The following TSHZ3 variants were observed in gnomAD, a reference collection of about 807,000 sequenced individuals.
TSHZ3 encodes teashirt zinc finger homeobox 3, also known as teashirt homolog 3.
Under a neutral mutation model 64.5 loss-of-function variants are expected in TSHZ3, and 10 were observed. The observed-to-expected ratio is 0.16, with a 90% CI of 0.10 to 0.26. The LOEUF (loss-of-function observed/expected upper bound fraction) is 0.26. Among genes scored for constraint, TSHZ3 ranks in the 10% least tolerant of loss-of-function variants. TSHZ3 has a pLI of 1.00. For missense variants in TSHZ3, 1,242 were observed against 1,421.7 expected, an observed-to-expected ratio of 0.87 and a Z score of 2.03; for synonymous variants, 608 against 593.1, an observed-to-expected ratio of 1.03 and a Z score of -0.36.
chr19:31,168,368 G>A (rs1974486412), intron 5 of TSHZ3, among the ~76,000 whole-genome samples: 1 of 152,114 alleles, frequency 6.6e-6, no homozygotes, highest in Non-Finnish European at 1.5e-5. Flanking sequence ...TGCATTATCT[G>A]TCATTTTCAT....
intron 4 of TSHZ3, chr19:31,207,394 G>A (rs1392239961): frequency 2.6e-5 from 4 of 151,992 alleles, no homozygotes; most frequent in African/African-American, 9.7e-5. Context: ...AAAATACACA[G>A]GTTTTTTATC....
intron 3 of TSHZ3, among the ~76,000 whole-genome samples, chr19:31,240,320 T>C (rs1011198779): frequency 2.0e-5 from 3 of 152,148 alleles, no homozygotes; most frequent in African/African-American, 4.8e-5. Context: ...GTTAAAAATA[T>C]GTATTTTGAC....
At chr19:31,182,259 G>A (rs551044824) in intron 5 of TSHZ3, among the ~76,000 whole-genome samples, 62 of 152,276 alleles carry the variant, frequency 4.1e-4, no homozygotes, top group African/African-American at 1.2e-3. Flanking sequence ...TTTCTGTACC[G>A]ATGCTGTGAA....
intron 1 of TSHZ3, among the ~76,000 whole-genome samples, chr19:31,323,629 A>AGCTGTG: frequency 1.3e-5 from 2 of 152,114 alleles, no homozygotes; most frequent in African/African-American, 4.8e-5. Context: ...TGGTTTACGA[A>AGCTGTG]TACCCAGATG....
intron 1 of TSHZ3, among the ~76,000 whole-genome samples, chr19:31,302,206 G>C (rs1160013811): frequency 6.6e-6 from 1 of 152,174 alleles, no homozygotes; most frequent in Non-Finnish European, 1.5e-5. Flanking sequence ...TGACCCCTCA[G>C]TGCATGAGCT....
chr19:31,304,041 C>G (rs543071578), intron 1 of TSHZ3, among the ~76,000 whole-genome samples: 1 of 151,388 alleles, frequency 6.6e-6, no homozygotes, highest in South Asian at 2.1e-4. Flanking sequence ...ATAGTGCCAT[C>G]TTGGCTCACT....
intron 1 of TSHZ3, among the ~76,000 whole-genome samples, chr19:31,327,488 T>C (rs1398123401): frequency 2.0e-5 from 3 of 152,246 alleles, no homozygotes; most frequent in African/African-American, 7.2e-5. Flanking sequence ...AAAATGCACT[T>C]TGTTAGCATT....
At chr19:31,308,525 GGGCTCCATTTCTAGGAGACT>G in intron 1 of TSHZ3, 1 of 395,544 alleles carries the variant, frequency 2.5e-6, no homozygotes, top group Non-Finnish European at 4.5e-6. Flanking sequence ...CCACCACTAA[GGGCTCCATTTCTAGGAGACT>G]GGCTCTCGAT....
At chr19:31,223,305 T>C (rs7255807) in intron 4 of TSHZ3, among the ~76,000 whole-genome samples, 16 of 152,202 alleles carry the variant, frequency 1.1e-4, no homozygotes, top group African/African-American at 3.9e-4. Flanking sequence ...TGGGGCCTCA[T>C]GTGTATACCT....
chr19:31,177,389 G>C (rs535845351), intron 5 of TSHZ3, among the ~76,000 whole-genome samples: 3 of 152,186 alleles, frequency 2.0e-5, no homozygotes, highest in Admixed American at 2.0e-4. Flanking sequence ...CCCTCAAGGG[G>C]CCCCACGGGA....
chr19:31,194,546 G>A (rs1325938548), intron 5 of TSHZ3, among the ~76,000 whole-genome samples: 2 of 152,158 alleles, frequency 1.3e-5, no homozygotes, highest in Non-Finnish European at 2.9e-5. Context: ...AGAAGCAGAG[G>A]CTCATTAGAA....
At chr19:31,269,089 T>G (rs897825898) in intron 1 of TSHZ3, among the ~76,000 whole-genome samples, 1 of 152,112 alleles carries the variant, frequency 6.6e-6, no homozygotes, top group Non-Finnish European at 1.5e-5. Context: ...CCACACGCAC[T>G]TCTTCCTGAG....
chr19:31,189,526 C>T (rs1344539384), intron 5 of TSHZ3, among the ~76,000 whole-genome samples: 1 of 151,446 alleles, frequency 6.6e-6, no homozygotes, highest in African/African-American at 2.4e-5. Context: ...GTGATTTATT[C>T]CCAGATATAT....
Position 31,341,630 on chromosome 19 carries a change from GACACACACACACACACACACAC to G in TSHZ3, c.40+7528_40+7549del, listed in dbSNP as rs57786287. On this transcript the variant is annotated intron_variant, in intron 1 of 1. Transcript: ENST00000240587. ...ACTCACTCTCTCTCTCTCTCTCTCT[GACACACACACACACACACACAC>G]ACACACACACACACACACAGCACTT... 3.6e-5 allele frequency among the ~76,000 whole-genome samples: 5 copies of G among 138,088 alleles called. No homozygotes were observed. In the East Asian group the frequency reaches 6.6e-4, roughly 18 times the overall value. The allele number at this position is 138,088 out of a possible 152,430, so 90.6% of individuals were successfully genotyped here.
chr19:31,349,956 G>T (rs1423047759), upstream of TSHZ3, among the ~76,000 whole-genome samples: 23 of 146,142 alleles, frequency 1.6e-4, 1 homozygote, highest in Non-Finnish European at 3.1e-4. Context: ...CCAGCGAAAG[G>T]GGTGCCGCCC....
intron 1 of TSHZ3, among the ~76,000 whole-genome samples, chr19:31,292,948 CCCATCCATCCAACCAAAAACCCAT>C (rs1346092202): frequency 0.012 from 1,784 of 149,732 alleles, 39 homozygotes; most frequent in African/African-American, 0.041. Context: ...CAACCAAAAA[CCCATCCATCCAACCAAAAACCCAT>C]CCATCCATCC....
At chr19:31,303,607 C>T (rs928216717) in intron 1 of TSHZ3, among the ~76,000 whole-genome samples, 1 of 152,178 alleles carries the variant, frequency 6.6e-6, no homozygotes. Flanking sequence ...CTGGTACAGG[C>T]TCTCATGCCC....
chr19:31,305,696 C>T (rs1244928045), intron 1 of TSHZ3: 1 of 152,156 alleles, frequency 6.6e-6, no homozygotes, highest in African/African-American at 2.4e-5. Flanking sequence ...AAACAGCGCC[C>T]CTGCCCACTC....
Position 31,242,453 on chromosome 19 carries a change from T to C in TSHZ3, n.366A>G, listed in dbSNP as rs199510726. ...GGGGTTGCTGCTACACATCCTAGAG[T>C]ACAAAGGCCTGAGAATCTGGAGTTC... is the stretch of plus-strand genomic sequence containing the variant. On this transcript the variant is annotated non_coding_transcript_exon_variant, in exon 3 of 7. Transcript: ENST00000651361. 1.2e-4 allele frequency among the ~76,000 whole-genome samples: 19 copies of C among 152,150 alleles called. No homozygotes were observed. The East Asian group carries it at 3.7e-3, about 29-fold the overall frequency.
Sources: allele counts gnomAD v4.1 joint callset (sites outside exome capture counted in the v4.1 genomes callset), GRCh38; gene constraint gnomAD v4.1.1; transcripts MANE v1.5; gene names NCBI Gene and HGNC (gene_info 2026-07-23, HGNC 2026-07-21).